Variants in SH3KBP1 observed in about 807,000 individuals in gnomAD.
SH3KBP1 encodes SH3 domain-containing kinase-binding protein 1.
A neutral mutation model predicts 50.1 loss-of-function variants in SH3KBP1; 8 were observed. That is an observed-to-expected ratio of 0.16 (90% confidence interval 0.09 to 0.29). The LOEUF is 0.29. Among genes scored for constraint, SH3KBP1 ranks in the 10% least tolerant of loss-of-function variants. The pLI, the probability that SH3KBP1 is intolerant of heterozygous loss-of-function variation, is 1.00. For synonymous variants in SH3KBP1, 227 were observed against 218.6 expected (o/e 1.04, Z -0.34); for missense variants, 377 against 535.2 (o/e 0.70, Z 2.92).
At chrX:19,587,146 C>G (rs760805522) in intron 12 of SH3KBP1, among the ~76,000 whole-genome samples, 242 of 105,774 alleles carry the variant, frequency 2.3e-3, no homozygotes, top group Non-Finnish European at 3.5e-3. Flanking sequence ...CCCTTGAACC[C>G]AGGAGGAGGA....
In SH3KBP1 at chrX:19,797,890, A is replaced by AACACAC. The variant is rs60418789; in HGVS notation, c.162+38229_162+38234dup. On this transcript the variant is annotated intron_variant, in intron 2 of 17. Coordinates refer to ENST00000397821, the MANE Select transcript of SH3KBP1 (RefSeq NM_031892.3). ...AAAGCAGGCTCTAGAAAGTGCCCTA[A>AACACAC]ACACACACACACACACACACACACA... is the stretch of plus-strand genomic sequence containing the variant. 4.6e-3 allele frequency among the ~76,000 whole-genome samples: 445 copies of AACACAC among 97,410 alleles called. 4 individuals carry two copies. Among genetic ancestry groups the AACACAC allele is most frequent in the African/African-American group, 0.015 (405 of 26,635 alleles). The allele number at this position is 97,410 out of a possible 115,157, so 84.6% of individuals were successfully genotyped here.
chrX:19,773,327 T>A (rs2065845180), intron 2 of SH3KBP1, among the ~76,000 whole-genome samples: 1 of 111,567 alleles, frequency 9.0e-6, no homozygotes, highest in South Asian at 3.7e-4. Context: ...TGTATATTTG[T>A]ATTTTCTAAA....
At chrX:19,826,620 C>A (rs1177158077) in intron 2 of SH3KBP1, among the ~76,000 whole-genome samples, 2 of 110,572 alleles carry the variant, frequency 1.8e-5, no homozygotes, top group Admixed American at 9.7e-5. Flanking sequence ...GAGGTTGAGG[C>A]TGCAGTGAGC....
At position 19,569,288 on chromosome X, in the gene SH3KBP1, G is replaced by A. The variant is rs755094401; in HGVS notation, c.1299-100C>T. ...ACACGTTAAGGAGTGTGCTGGTGTG[G>A]AGTGGATGGCACTGTTGCCTGTGAG... On this transcript the variant is annotated intron_variant, in intron 12 of 17. Transcript: ENST00000397821. 18 of 747,369 alleles carry A rather than the reference G, an allele frequency of 2.4e-5. No homozygotes were observed. In the Admixed American group the frequency reaches 2.7e-4, roughly 11 times the overall value. 61.6% of individuals were successfully genotyped at this position (747,369 alleles called of 1,213,427 possible). A position where few individuals can be genotyped will look rare whatever the true frequency, so the allele number is the denominator to read the frequency against.
At chrX:19,697,083 A>G (rs1375953081) in intron 4 of SH3KBP1, among the ~76,000 whole-genome samples, 2 of 111,969 alleles carry the variant, frequency 1.8e-5, no homozygotes, top group East Asian at 2.8e-4. Context: ...ACTTTGCCCA[A>G]CTATAGGCTA....
intron 13 of SH3KBP1, among the ~76,000 whole-genome samples, chrX:19,554,188 A>T (rs2065384504): frequency 1.6e-5 from 1 of 61,373 alleles, no homozygotes; most frequent in Admixed American, 2.2e-4. Flanking sequence ...TTAAAATATA[A>T]TATTATATAT....
chrX:19,736,135 T>C (rs2064565632), intron 3 of SH3KBP1, among the ~76,000 whole-genome samples: 1 of 112,069 alleles, frequency 8.9e-6, no homozygotes, highest in Non-Finnish European at 1.9e-5. Flanking sequence ...CATAAATCTC[T>C]AATTCCTTCC....
At chrX:19,724,470 G>A (rs975380341) in intron 3 of SH3KBP1, among the ~76,000 whole-genome samples, 3 of 112,179 alleles carry the variant, frequency 2.7e-5, no homozygotes. Context: ...ATGGTCTGCC[G>A]CAGAGATCAG....
rs200762944 is a variant in SH3KBP1 at position 19,583,125 on chromosome X, CATTATTATT to C, written c.1298+5509_1298+5517del. ...CCATTTTTATTCAATTGCTAATACA[CATTATTATT>C]ATTATTATTATTATTATTATTATTA... is the stretch of plus-strand genomic sequence containing the variant. On this transcript the variant is annotated intron_variant, in intron 12 of 17. Coordinates refer to ENST00000397821, the MANE Select transcript of SH3KBP1 (RefSeq NM_031892.3). Among the ~76,000 whole-genome samples, 784 of 95,140 alleles carry C rather than the reference CATTATTATT, an allele frequency of 8.2e-3. 10 individuals are homozygous for C. The highest frequency in any genetic ancestry group is 0.038 in the East Asian group (111 of 2,898). The allele number at this position is 95,140 out of a possible 115,157, so 82.6% of individuals were successfully genotyped here.
At chrX:19,641,591 G>A (rs995679494) in intron 7 of SH3KBP1, among the ~76,000 whole-genome samples, 2 of 111,930 alleles carry the variant, frequency 1.8e-5, no homozygotes, top group Admixed American at 1.9e-4. Context: ...GCATCTCATC[G>A]TGCATGAGGG....
intron 1 of SH3KBP1, among the ~76,000 whole-genome samples, chrX:19,838,971 G>T (rs1334718232): frequency 9.1e-6 from 1 of 110,108 alleles, no homozygotes; most frequent in Non-Finnish European, 1.9e-5. Flanking sequence ...GCTTCTGCTG[G>T]GAGCTCTTTG....
chrX:19,553,766 C>T (rs1445410991), intron 13 of SH3KBP1, among the ~76,000 whole-genome samples: 1 of 99,771 alleles, frequency 1.0e-5, no homozygotes, highest in Non-Finnish European at 2.0e-5. Flanking sequence ...GAGAAGACTG[C>T]TCTATTTCTG....
rs899003596 is a variant in SH3KBP1, at chrX:19,875,834, A to G, written c.4+11473T>C. Among the ~76,000 whole-genome samples, 5 of 112,703 alleles carry G rather than the reference A, an allele frequency of 4.4e-5. 1 individual carries two copies. In the South Asian group the frequency reaches 1.8e-3, roughly 41 times the overall value. On this transcript the variant is annotated intron_variant, in intron 1 of 17. Transcript: ENST00000397821. ...AGAAGAAAGGGGACAGGGAGGAAGC[A>G]TGGCCAGAGGGCACACTGGGCAGCT...
intron 1 of SH3KBP1, among the ~76,000 whole-genome samples, chrX:19,856,235 T>C (rs1380609293): frequency 8.9e-6 from 1 of 111,910 alleles, no homozygotes; most frequent in Non-Finnish European, 1.9e-5. Flanking sequence ...ACAGTTTCTG[T>C]CATATGCTCC....
intron 6 of SH3KBP1, chrX:19,670,351 A>G (rs1459799605): frequency 4.1e-5 from 31 of 751,852 alleles, no homozygotes; most frequent in Non-Finnish European, 4.7e-5. Flanking sequence ...AATGTCGGTG[A>G]CCCTCAAGAG....
chrX:19,671,046 C>G (rs148105438), intron 6 of SH3KBP1: 1 of 1,029,840 alleles, frequency 9.7e-7, no homozygotes, highest in African/African-American at 2.0e-5. Context: ...GTTCAGGAAG[C>G]CAGGGCCAAT....
chrX:19,697,657 C>G (rs2063450667), intron 4 of SH3KBP1, among the ~76,000 whole-genome samples: 1 of 112,210 alleles, frequency 8.9e-6, no homozygotes, highest in Non-Finnish European at 1.9e-5. Flanking sequence ...TAGCACACAT[C>G]AAACTTGTTA....
chrX:19,574,657 C>A (rs1031265029), intron 12 of SH3KBP1, among the ~76,000 whole-genome samples: 4 of 112,192 alleles, frequency 3.6e-5, no homozygotes, highest in Admixed American at 1.9e-4. Context: ...TTCTCAAAGG[C>A]CCCACCTCTT....
chrX:19,638,733 G>A (rs2061778863), intron 7 of SH3KBP1, among the ~76,000 whole-genome samples: 1 of 111,830 alleles, frequency 8.9e-6, no homozygotes. Flanking sequence ...TGTGCCATAT[G>A]CTAGATTTAG....
Sources: gnomAD v4.1 joint callset for allele counts (sites outside exome capture counted in the v4.1 genomes callset) on GRCh38, gnomAD v4.1.1 for gene constraint, MANE v1.5 for transcripts, NCBI Gene and HGNC (gene_info 2026-07-23, HGNC 2026-07-21) for gene names.